Variants in LYRM4 observed in about 807,000 individuals in gnomAD.
The protein encoded by LYRM4 is LYR motif containing 4.
Under a neutral mutation model 11.7 loss-of-function variants are expected in LYRM4, and 9 were observed. The ratio of observed to expected loss-of-function variants is 0.77; its 90% CI spans 0.46 to 1.34. The LOEUF (loss-of-function observed/expected upper bound fraction) is 1.34, where lower values mean the gene tolerates loss of function less well. LYRM4 is among the 40% of genes most tolerant of loss of function. The pLI, the probability that LYRM4 is intolerant of heterozygous loss-of-function variation, is 0.00. For missense variants in LYRM4, 133 were observed against 112.5 expected (o/e 1.18, Z -0.82); for synonymous variants, 42 against 40.4 (o/e 1.04, Z -0.15).
intron 1 of LYRM4, among the ~76,000 whole-genome samples, chr6:5,252,522 G>A (rs1322669379): frequency 6.6e-6 from 1 of 152,120 alleles, no homozygotes; most frequent in Non-Finnish European, 1.5e-5. Context: ...TCTTTGCCTG[G>A]AATGCTCTTC....
chr6:5,206,671 T>C (rs553175937), intron 2 of LYRM4, among the ~76,000 whole-genome samples: 4 of 152,310 alleles, frequency 2.6e-5, no homozygotes, highest in African/African-American at 7.2e-5. Flanking sequence ...GTTGGTGCTA[T>C]TTTTACTCCA....
intron 2 of LYRM4, among the ~76,000 whole-genome samples, chr6:5,169,817 T>C (rs776971707): frequency 8.5e-5 from 13 of 152,212 alleles, no homozygotes; most frequent in Non-Finnish European, 1.8e-4. Flanking sequence ...GTGAGCCTTC[T>C]ATTGGGATTG....
intron 2 of LYRM4, among the ~76,000 whole-genome samples, chr6:5,201,688 G>A (rs548841556): frequency 3.3e-5 from 5 of 152,112 alleles, no homozygotes; most frequent in Non-Finnish European, 4.4e-5. Flanking sequence ...CAGGAATCAC[G>A]GGGCTGTGGG....
intron 2 of LYRM4, among the ~76,000 whole-genome samples, chr6:5,184,523 T>C (rs992388059): frequency 6.6e-6 from 1 of 152,222 alleles, no homozygotes; most frequent in Non-Finnish European, 1.5e-5. Flanking sequence ...GTCTTGCTTA[T>C]ATTTTAAAAA....
At chr6:5,038,560 G>T in the LYRM4 span, among the ~76,000 whole-genome samples, 1 of 65,126 alleles carries the variant, frequency 1.5e-5, no homozygotes, top group Non-Finnish European at 3.8e-5. Flanking sequence ...GTTGTAGCGA[G>T]CCGAGATCAC....
the LYRM4 span, among the ~76,000 whole-genome samples, chr6:5,053,877 T>TA: frequency 3.3e-4 from 50 of 152,062 alleles, no homozygotes; most frequent in African/African-American, 1.2e-3. Flanking sequence ...CCTATTACAG[T>TA]AAAAAAAGCT....
At chr6:5,154,612 C>T (rs1001956876) in intron 2 of LYRM4, among the ~76,000 whole-genome samples, 5 of 152,080 alleles carry the variant, frequency 3.3e-5, no homozygotes, top group African/African-American at 9.7e-5. Context: ...GTCAGGAGAT[C>T]GAGACCATCC....
At chr6:5,192,476 T>C (rs987957824) in intron 2 of LYRM4, among the ~76,000 whole-genome samples, 3 of 152,006 alleles carry the variant, frequency 2.0e-5, no homozygotes, top group Non-Finnish European at 2.9e-5. Context: ...TCAGGAAAAA[T>C]TGACTTTTTT....
chr6:5,253,378 C>T (rs1764519149), intron 1 of LYRM4, among the ~76,000 whole-genome samples: 1 of 149,676 alleles, frequency 6.7e-6, no homozygotes, highest in African/African-American at 2.4e-5. Context: ...GGAATAAATT[C>T]TTAAATAAAT....
chr6:5,172,273 A>G (rs1759473993), intron 2 of LYRM4, among the ~76,000 whole-genome samples: 1 of 152,196 alleles, frequency 6.6e-6, no homozygotes. Flanking sequence ...ACGCTGTAAC[A>G]CGAGCTGCAC....
At chr6:5,094,405 G>A in the LYRM4 span, among the ~76,000 whole-genome samples, 15 of 152,326 alleles carry the variant, frequency 9.8e-5, 1 homozygote, top group South Asian at 2.9e-3. Context: ...GATCGCTTGA[G>A]CCAAGGACTT....
At chr6:5,229,652 G>A (rs572423421) in intron 1 of LYRM4, among the ~76,000 whole-genome samples, 2 of 152,262 alleles carry the variant, frequency 1.3e-5, no homozygotes, top group Admixed American at 1.3e-4. Flanking sequence ...AGAAATTATG[G>A]TAAATCAACT....
the LYRM4 span, among the ~76,000 whole-genome samples, chr6:5,060,471 T>A: frequency 6.6e-6 from 1 of 151,142 alleles, no homozygotes; most frequent in African/African-American, 2.4e-5. Context: ...TTGCCTACAC[T>A]TTCTTATAGT....
At chr6:5,174,472 C>G (rs1431370720) in intron 2 of LYRM4, among the ~76,000 whole-genome samples, 1 of 152,122 alleles carries the variant, frequency 6.6e-6, no homozygotes, top group African/African-American at 2.4e-5. Context: ...ATAGTCTTCA[C>G]AAAAGCTCGA....
intron 2 of LYRM4, among the ~76,000 whole-genome samples, chr6:5,120,227 G>A (rs1763369651): frequency 6.6e-6 from 1 of 152,180 alleles, no homozygotes; most frequent in Non-Finnish European, 1.5e-5. Context: ...ATCTCAAAGA[G>A]CCCAAAGTCG....
At chr6:5,054,655 A>G in the LYRM4 span, among the ~76,000 whole-genome samples, 2 of 152,174 alleles carry the variant, frequency 1.3e-5, no homozygotes, top group Non-Finnish European at 2.9e-5. Flanking sequence ...AAATACCTGA[A>G]AAACCACATC....
chr6:5,107,709 T>C (rs11242990), downstream of LYRM4: 27,821 of 152,210 alleles, frequency 0.18, 2,783 homozygotes, highest in African/African-American at 0.25. Flanking sequence ...AAGAGCTTCA[T>C]TATTTTCACA....
chr6:5,095,629 AT>A, the LYRM4 span, among the ~76,000 whole-genome samples: 2 of 152,354 alleles, frequency 1.3e-5, no homozygotes, highest in South Asian at 4.1e-4. Flanking sequence ...CACTTAAAAT[AT>A]GTAAGGAGAC....
chr6:5,128,388 A>T (rs1160491948), intron 2 of LYRM4, among the ~76,000 whole-genome samples: 2 of 152,176 alleles, frequency 1.3e-5, no homozygotes, highest in Non-Finnish European at 2.9e-5. Flanking sequence ...GGCCTCGTAG[A>T]TACAAATTGC....
Sources: allele counts gnomAD v4.1 joint callset (sites outside exome capture counted in the v4.1 genomes callset), GRCh38; gene constraint gnomAD v4.1.1; transcripts MANE v1.5; gene names NCBI Gene and HGNC (gene_info 2026-07-23, HGNC 2026-07-21).